EPN2: variants seen among roughly 807,000 people sequenced by gnomAD.
EPN2 encodes epsin 2.
EPN2 carries 34 observed loss-of-function variants against 61.7 expected under a neutral mutation model. That is an observed-to-expected ratio of 0.55 (90% CI 0.42 to 0.73). The LOEUF is 0.73. Ranked by LOEUF, EPN2 falls within the 30% of genes least tolerant of loss-of-function variation. EPN2 has a pLI of 0.00. For missense variants in EPN2, 714 were observed against 839.2 expected, an observed-to-expected ratio of 0.85 and a Z score of 1.84; for synonymous variants, 349 against 353.6, an observed-to-expected ratio of 0.99 and a Z score of 0.15.
chr17:19,251,990 A>C (rs1010098378), intron 1 of EPN2, among the ~76,000 whole-genome samples: 1 of 152,212 alleles, frequency 6.6e-6, no homozygotes, highest in African/African-American at 2.4e-5. Flanking sequence ...GTTTGTGTAC[A>C]AAACAAAGAT....
Position 19,329,636 on chromosome 17 carries a change from CA to C in EPN2, c.1408del (p.Thr470GlnfsTer5), listed in dbSNP as rs756461692. 5.6e-5 allele frequency: 89 copies of C among 1,593,190 alleles called. No homozygotes were observed. The highest frequency in any genetic ancestry group is 1.7e-4 in the Middle Eastern group (1 of 5,992). On this transcript the variant is annotated frameshift_variant, in exon 9 of 11. Transcript: ENST00000314728. LOFTEE classifies it high-confidence loss of function. ...DFSEFDNLRT[S>X]KKTAESVTSL... ...TCTGAATTTGACAACCTTCGGACTT[CA>C]AAAAAAACAGGTATGTACAGGTGAT...
intron 4 of EPN2, among the ~76,000 whole-genome samples, chr17:19,304,403 G>A (rs898580985): frequency 1.3e-5 from 2 of 152,218 alleles, no homozygotes; most frequent in African/African-American, 4.8e-5. Flanking sequence ...GACAGTGGAC[G>A]CTGACCCTGT....
intron 1 of EPN2, among the ~76,000 whole-genome samples, chr17:19,273,579 G>A (rs1021505378): frequency 3.3e-5 from 5 of 152,188 alleles, no homozygotes; most frequent in Non-Finnish European, 7.4e-5. Context: ...GTCCAGGCTA[G>A]ATTTGAACTC....
intron 7 of EPN2, among the ~76,000 whole-genome samples, chr17:19,326,343 C>T (rs957164689): frequency 6.6e-5 from 10 of 152,228 alleles, no homozygotes; most frequent in African/African-American, 2.2e-4. Context: ...TTGTGATTTG[C>T]TGTATCAGAT....
intron 4 of EPN2, among the ~76,000 whole-genome samples, chr17:19,297,535 T>G (rs2045532192): frequency 2.6e-5 from 4 of 152,226 alleles, no homozygotes; most frequent in African/African-American, 9.6e-5. Flanking sequence ...GAGACCTTGT[T>G]TTTGGTGGGC....
chr17:19,329,379 C>G, intron 8 of EPN2, 182 bp from the exon 9 acceptor site: 1 of 554,024 alleles, frequency 1.8e-6, no homozygotes, highest in South Asian at 2.8e-5. Context: ...TGTCTCCCCT[C>G]CCAGCGTGCT....
At chr17:19,252,848 G>A (rs1396620) in intron 1 of EPN2, among the ~76,000 whole-genome samples, 5,091 of 152,074 alleles carry the variant, frequency 0.033, 344 homozygotes, top group South Asian at 0.19. Flanking sequence ...TGTCACCATC[G>A]CCGGCAAATT....
chr17:19,259,578 C>T (rs559965329), intron 1 of EPN2, among the ~76,000 whole-genome samples: 5 of 152,284 alleles, frequency 3.3e-5, no homozygotes, highest in African/African-American at 1.2e-4. Flanking sequence ...TCCCAAAGTG[C>T]TGGGTTTACA....
At chr17:19,271,102 GA>G (rs1042397547) in intron 1 of EPN2, among the ~76,000 whole-genome samples, 8 of 152,246 alleles carry the variant, frequency 5.3e-5, no homozygotes, top group African/African-American at 1.9e-4. Flanking sequence ...GTTGAGGGCT[GA>G]GTGTGTGCCA....
rs554678648 is a variant in EPN2 at position 19,246,028 on chromosome 17, C to T, written c.-294+8497C>T. ...GCTCCCCAAGTGCTGGGATTACAGG[C>T]GTGAGCTATCGCACCCAGCTGGAAT... On this transcript the variant is annotated intron_variant, in intron 1 of 10. Coordinates refer to ENST00000314728, the MANE Select transcript of EPN2 (RefSeq NM_014964.5). Among the ~76,000 whole-genome samples the T allele has an allele frequency of 6.6e-4, 101 of 152,098 alleles. 2 individuals are homozygous for T. In the South Asian group the frequency reaches 0.018, roughly 27 times the overall value.
rs761662309 is a variant in EPN2 at position 19,295,341 on chromosome 17, T to TACACAC, written c.766+9572_766+9577dup. ...AGTGAAACCCCATCTCTATTAAAAA[T>TACACAC]ACACACACACACACACACACACACA... On this transcript the variant is annotated intron_variant, in intron 4 of 10. Coordinates refer to ENST00000314728, the MANE Select transcript of EPN2 (RefSeq NM_014964.5). 7.6e-3 allele frequency among the ~76,000 whole-genome samples: 1,110 copies of TACACAC among 145,128 alleles called. 13 individuals are homozygous for TACACAC. The highest frequency in any genetic ancestry group is 0.02 in the African/African-American group (770 of 39,160).
At chr17:19,273,784 A>G (rs1003276185) in intron 1 of EPN2, among the ~76,000 whole-genome samples, 3 of 152,226 alleles carry the variant, frequency 2.0e-5, no homozygotes, top group African/African-American at 7.2e-5. Flanking sequence ...GAGGGAAATA[A>G]AGGATTTTTT....
rs1449668622 is a variant in EPN2 at position 19,322,756 on chromosome 17, A to AG, written c.1148-5955_1148-5954insG. ...ACCTGTCTCTAAAAAAAAAAAAAAA[A>AG]AAAGGTAGTGGCTGGTGTGGCTTAA... is the stretch of plus-strand genomic sequence containing the variant. On this transcript the variant is annotated intron_variant, in intron 7 of 10. Transcript: ENST00000314728. Among the ~76,000 whole-genome samples, 339 of 152,032 alleles carry AG rather than the reference A, an allele frequency of 2.2e-3. 2 individuals are homozygous for AG. The highest frequency in any genetic ancestry group is 7.8e-3 in the African/African-American group (325 of 41,452).
chr17:19,323,963 A>G (rs74413479), intron 7 of EPN2, among the ~76,000 whole-genome samples: 1,691 of 152,348 alleles, frequency 0.011, 27 homozygotes, highest in African/African-American at 0.039. Context: ...TCAGGACAGA[A>G]TGAAGAGCAT....
chr17:19,321,499 C>T (rs1354295971), intron 7 of EPN2, among the ~76,000 whole-genome samples: 11 of 152,092 alleles, frequency 7.2e-5, no homozygotes, highest in Non-Finnish European at 1.2e-4. Flanking sequence ...CAGGATCTGT[C>T]CCTTTTGAGA....
intron 10 of EPN2, among the ~76,000 whole-genome samples, chr17:19,332,956 AGAGGAGAATTACCACTGAACTTACAGAG>A (rs1907230916): frequency 6.6e-6 from 1 of 152,230 alleles, no homozygotes; most frequent in African/African-American, 2.4e-5. Flanking sequence ...AGTACCTTGC[AGAGGAGAATTACCACTGAACTTACAGAG>A]GCTGAGGTTG....
chr17:19,295,360 A>ACGCGCGCG (rs1202148585), intron 4 of EPN2, among the ~76,000 whole-genome samples: 68 of 69,408 alleles, frequency 9.8e-4, no homozygotes, highest in Non-Finnish European at 1.2e-3. Context: ...ACACACACAC[A>ACGCGCGCG]CACACACGCG....
At chr17:19,263,595 A>C (rs528272908) in intron 1 of EPN2, among the ~76,000 whole-genome samples, 4 of 152,214 alleles carry the variant, frequency 2.6e-5, no homozygotes, top group Admixed American at 6.5e-5. Context: ...TGAGAGCTTC[A>C]TCCCAGTTCT....
intron 1 of EPN2, among the ~76,000 whole-genome samples, chr17:19,249,863 G>C (rs974308154): frequency 2.0e-5 from 3 of 152,068 alleles, no homozygotes; most frequent in Admixed American, 6.5e-5. Flanking sequence ...GGAGGCTCTG[G>C]GGGGGAACCC....
Sources: gnomAD v4.1 joint callset for allele counts (sites outside exome capture counted in the v4.1 genomes callset) on GRCh38, gnomAD v4.1.1 for gene constraint, MANE v1.5 for transcripts, NCBI Gene and HGNC (gene_info 2026-07-23, HGNC 2026-07-21) for gene names.